MYO1D: variants seen among roughly 807,000 people sequenced by gnomAD.
MYO1D encodes unconventional myosin-Id.
Under a neutral mutation model 122.0 loss-of-function variants are expected in MYO1D, and 83 were observed. The ratio of observed to expected loss-of-function variants is 0.68; its 90% CI spans 0.57 to 0.82. The LOEUF (loss-of-function observed/expected upper bound fraction) is 0.82, where lower values mean the gene tolerates loss of function less well. Ranked by LOEUF, MYO1D falls within the 40% of genes least tolerant of loss-of-function variation. The pLI, the probability that MYO1D is intolerant of heterozygous loss-of-function variation, is 0.00. For synonymous variants in MYO1D, 464 were observed against 446.9 expected, an observed-to-expected ratio of 1.04 and a Z score of -0.48; for missense variants, 1,157 against 1,269.5, an observed-to-expected ratio of 0.91 and a Z score of 1.35.
At chr17:32,574,141 T>C (rs1399123559) in intron 21 of MYO1D, among the ~76,000 whole-genome samples, 1 of 152,100 alleles carries the variant, frequency 6.6e-6, no homozygotes, top group African/African-American at 2.4e-5. Context: ...TGTGAGCCAC[T>C]GCGCCCGGCC....
intron 1 of MYO1D, among the ~76,000 whole-genome samples, chr17:32,816,905 G>C (rs981187848): frequency 2.0e-5 from 3 of 152,002 alleles, no homozygotes; most frequent in African/African-American, 4.8e-5. Flanking sequence ...AAAAAAATTA[G>C]TGTTTTTAAC....
rs1381137057 is a variant in MYO1D at position 32,493,495 on chromosome 17, C to G, written c.*1264G>C. ...CCACTCCACCTGAGGCGTTGGCTCC[C>G]TCCCCCTCATCCTCTCACCACATGC... On this transcript the variant is annotated 3_prime_UTR_variant, in exon 22 of 22. Transcript: ENST00000318217. 1 of 152,408 alleles carries G rather than the reference C, an allele frequency of 6.6e-6. No homozygotes were observed. Among genetic ancestry groups the G allele is most frequent in the Non-Finnish European group, 1.5e-5 (1 of 68,210 alleles). 9.4% of individuals were successfully genotyped at this position (152,408 alleles called of 1,614,324 possible). A position where few individuals can be genotyped will look rare whatever the true frequency, so the allele number is the denominator to read the frequency against.
intron 21 of MYO1D, among the ~76,000 whole-genome samples, chr17:32,532,173 A>G (rs1181335420): frequency 1.3e-5 from 2 of 152,234 alleles, no homozygotes; most frequent in African/African-American, 2.4e-5. Context: ...TAAAACAAGT[A>G]TCAGACCAAG....
chr17:32,735,929 TTA>T lies in MYO1D; in HGVS notation c.1746+2322_1746+2323del, dbSNP rs1343104160. ...TTTTGAGCTTTCTGCATAGTGTTAT[TTA>T]TGTGTGTCTCCTCTAAGGAGCATAT... On this transcript the variant is annotated intron_variant, in intron 14 of 21. Coordinates refer to ENST00000318217, the MANE Select transcript of MYO1D (RefSeq NM_015194.3). Among the ~76,000 whole-genome samples the T allele has an allele frequency of 3.2e-4, 48 of 152,290 alleles. 1 individual carries two copies. The highest frequency in any genetic ancestry group is 6.8e-3 in the Middle Eastern group (2 of 294).
At chr17:32,563,275 T>C (rs919037998) in intron 21 of MYO1D, among the ~76,000 whole-genome samples, 1 of 135,572 alleles carries the variant, frequency 7.4e-6, no homozygotes, top group South Asian at 2.6e-4. Flanking sequence ...AGTGGCACAA[T>C]CCTGGCTCAC....
At chr17:32,518,927 C>T (rs1257098348) in intron 21 of MYO1D, 3 of 152,284 alleles carry the variant, frequency 2.0e-5, no homozygotes, top group South Asian at 2.1e-4. Flanking sequence ...CGGCGGCCGA[C>T]AGGTTCTCTG....
At chr17:32,755,766 G>T in intron 10 of MYO1D, 104 bp from the exon 11 acceptor site, 1 of 908,168 alleles carries the variant, frequency 1.1e-6, no homozygotes, top group Non-Finnish European at 1.6e-6. Flanking sequence ...AACTACTTTG[G>T]TGTCAAATGT....
intron 19 of MYO1D, among the ~76,000 whole-genome samples, chr17:32,644,067 C>T (rs953526857): frequency 2.0e-5 from 3 of 151,934 alleles, no homozygotes; most frequent in African/African-American, 7.3e-5. Flanking sequence ...CTATAAATTT[C>T]CCTCTACACA....
At chr17:32,572,741 A>T (rs540845736) in intron 21 of MYO1D, among the ~76,000 whole-genome samples, 1 of 152,214 alleles carries the variant, frequency 6.6e-6, no homozygotes, top group South Asian at 2.1e-4. Context: ...ACAGGCACTT[A>T]TCGTTCCACT....
At position 32,876,948 on chromosome 17, in the gene MYO1D, G is replaced by A. The variant is rs1284276458; in HGVS notation, c.-76C>T. On this transcript the variant is annotated 5_prime_UTR_variant, in exon 1 of 22. Coordinates refer to ENST00000318217, the MANE Select transcript of MYO1D (RefSeq NM_015194.3). ...CCGTGGGCCCGCGATGAGCTCGGGA[G>A]GGGCCGGGGCGAGGCCGCGCCGCGA... 7 of 888,854 alleles carry A rather than the reference G, an allele frequency of 7.9e-6. No individual in the cohort carries two copies. The highest frequency in any genetic ancestry group is 3.6e-5 in the African/African-American group (2 of 56,160). The allele number at this position is 888,854 out of a possible 1,614,324, so 55.1% of individuals were successfully genotyped here.
intron 6 of MYO1D, among the ~76,000 whole-genome samples, chr17:32,769,752 T>G (rs533510429): frequency 6.6e-6 from 1 of 152,074 alleles, no homozygotes; most frequent in Admixed American, 6.5e-5. Context: ...GTTTAGGTTT[T>G]GACTATGATC....
chr17:32,814,032 G>C (rs2090593861), intron 1 of MYO1D, among the ~76,000 whole-genome samples: 2 of 152,214 alleles, frequency 1.3e-5, no homozygotes, highest in Non-Finnish European at 2.9e-5. Context: ...TGACCTGCCA[G>C]AGTTCAGGTC....
intron 1 of MYO1D, among the ~76,000 whole-genome samples, chr17:32,838,098 C>T (rs2090845171): frequency 6.6e-6 from 1 of 151,876 alleles, no homozygotes; most frequent in South Asian, 2.1e-4. Context: ...ATATTTTTTC[C>T]CTACAATATT....
chr17:32,553,266 G>C (rs1364554435), intron 21 of MYO1D, among the ~76,000 whole-genome samples: 1 of 152,200 alleles, frequency 6.6e-6, no homozygotes, highest in Non-Finnish European at 1.5e-5. Context: ...ATGCTAGCTA[G>C]AGAGATGAAC....
chr17:32,509,512 C>CACT (rs1567871011), intron 21 of MYO1D, among the ~76,000 whole-genome samples: 1 of 152,110 alleles, frequency 6.6e-6, no homozygotes, highest in Non-Finnish European at 1.5e-5. Context: ...TTAATGGAGA[C>CACT]GAGCAGACAC....
At chr17:32,522,492 T>C (rs1296764724) in intron 21 of MYO1D, among the ~76,000 whole-genome samples, 1 of 152,194 alleles carries the variant, frequency 6.6e-6, no homozygotes, top group Non-Finnish European at 1.5e-5. Flanking sequence ...AAGGGATGCA[T>C]AGTGAACATA....
At chr17:32,721,791 T>C (rs1479155047) in intron 14 of MYO1D, among the ~76,000 whole-genome samples, 1 of 152,186 alleles carries the variant, frequency 6.6e-6, no homozygotes. Context: ...TAGCAATCCT[T>C]CCCTCTGTGC....
At chr17:32,550,787 G>C (rs1184975624) in intron 21 of MYO1D, among the ~76,000 whole-genome samples, 4 of 152,136 alleles carry the variant, frequency 2.6e-5, no homozygotes, top group Non-Finnish European at 5.9e-5. Flanking sequence ...CTTGAGCCCA[G>C]GAGTTGGAGA....
In MYO1D at chr17:32,748,932, T is replaced by C. The variant is rs2089869208; in HGVS notation, c.1538+4A>G. 1 of 1,611,516 alleles carries C rather than the reference T, an allele frequency of 6.2e-7. No homozygotes were observed. Reference sequence around the variant, plus strand: ...CATGGTAGGTACCAAGGTAAGATACTCACACTACATCGCCTGCATAATGTC... The same window carrying C: ...CATGGTAGGTACCAAGGTAAGATACCCACACTACATCGCCTGCATAATGTC... On this transcript the variant is annotated splice_donor_region_variant and intron_variant, in intron 12 of 21. Transcript: ENST00000318217.
Sources: allele counts gnomAD v4.1 joint callset (sites outside exome capture counted in the v4.1 genomes callset), GRCh38; gene constraint gnomAD v4.1.1; transcripts MANE v1.5; gene names NCBI Gene and HGNC (gene_info 2026-07-23, HGNC 2026-07-21).